The following ADAMTS18 variants were observed in gnomAD, a reference collection of about 807,000 sequenced individuals.
The protein encoded by ADAMTS18 is ADAM metallopeptidase with thrombospondin type 1 motif 18.
In ADAMTS18, 157 loss-of-function variants were observed where a neutral mutation model predicts 165.9. The ratio of observed to expected loss-of-function variants is 0.95; its 90% CI spans 0.83 to 1.08. ADAMTS18 has a LOEUF of 1.08. Among genes scored for constraint, ADAMTS18 ranks in the 50% least tolerant of loss-of-function variants. The pLI is 0.00. For missense variants in ADAMTS18, 2,040 were observed against 1,534.0 expected, an observed-to-expected ratio of 1.33 and a Z score of -5.51; for synonymous variants, 782 against 578.2, an observed-to-expected ratio of 1.35 and a Z score of -5.06.
chr16:77,421,811 T>C (rs2057606621), intron 3 of ADAMTS18, among the ~76,000 whole-genome samples: 2 of 152,202 alleles, frequency 1.3e-5, no homozygotes, highest in African/African-American at 4.8e-5. Flanking sequence ...AAGTGTCATA[T>C]ATCTCCATGT....
rs1452945139 is a variant in ADAMTS18, at chr16:77,431,664, G to C, written c.179-53C>G. 2.5e-6 allele frequency: 4 copies of C among 1,589,418 alleles called. No individual in the cohort carries two copies. The African/African-American group carries it at 4.0e-5, about 16-fold the overall frequency. ...CACCCAGAGCCCACAATTCCAAATG[G>C]TCTCTTTCCAGCAAGCTGGCAAAGA... On this transcript the variant is annotated intron_variant, in intron 2 of 22. Coordinates refer to ENST00000282849, the MANE Select transcript of ADAMTS18 (RefSeq NM_199355.4).
chr16:77,415,808 T>C (rs1013283623), intron 3 of ADAMTS18, among the ~76,000 whole-genome samples: 1 of 151,594 alleles, frequency 6.6e-6, no homozygotes, highest in African/African-American at 2.4e-5. Context: ...TTTTTCCCAA[T>C]GGATGAAAAA....
intron 3 of ADAMTS18, among the ~76,000 whole-genome samples, chr16:77,415,008 G>A (rs1432098131): frequency 2.6e-5 from 4 of 152,204 alleles, no homozygotes; most frequent in Non-Finnish European, 5.9e-5. Flanking sequence ...ACACAGAGAG[G>A]TGAGTAATAA....
chr16:77,286,902 G>A (rs992275185), intron 22 of ADAMTS18, among the ~76,000 whole-genome samples: 1 of 152,120 alleles, frequency 6.6e-6, no homozygotes, highest in African/African-American at 2.4e-5. Flanking sequence ...GCAACCATAA[G>A]GATGGCTTCC....
intron 3 of ADAMTS18, among the ~76,000 whole-genome samples, chr16:77,409,760 A>G (rs1398685966): frequency 2.0e-5 from 3 of 152,186 alleles, no homozygotes; most frequent in Non-Finnish European, 2.9e-5. Flanking sequence ...ACATGGGAGG[A>G]AAAATGCTCC....
intron 3 of ADAMTS18, among the ~76,000 whole-genome samples, chr16:77,393,421 G>A (rs751349273): frequency 6.6e-6 from 1 of 152,156 alleles, no homozygotes; most frequent in African/African-American, 2.4e-5. Flanking sequence ...ACCCTGAGCT[G>A]ACATACAGAC....
intron 8 of ADAMTS18, among the ~76,000 whole-genome samples, chr16:77,357,600 A>G (rs1281201483): frequency 1.3e-5 from 2 of 152,196 alleles, no homozygotes; most frequent in Non-Finnish European, 2.9e-5. Context: ...GATTGAAGCC[A>G]TTACGCTAGA....
rs773523852 is a variant in ADAMTS18, at chr16:77,291,265, C to T, written c.3402+1G>A. The stretch of plus-strand genomic sequence containing the variant: ...CACCTCCTCAATCGGCCTGTACCCA[C>T]CTGCTGCCACGGCAATGAATACCAT... On this transcript the variant is annotated splice_donor_variant, in intron 21 of 22. Transcript: ENST00000282849. LOFTEE classifies it high-confidence loss of function. 11 of 1,613,954 alleles carry T rather than the reference C, an allele frequency of 6.8e-6. No individual in the cohort carries two copies. Among genetic ancestry groups the T allele is most frequent in the Non-Finnish European group, 9.3e-6 (11 of 1,180,018 alleles).
chr16:77,330,862 A>G (rs772050648), intron 12 of ADAMTS18, among the ~76,000 whole-genome samples: 8 of 152,258 alleles, frequency 5.3e-5, no homozygotes, highest in Non-Finnish European at 1.2e-4. Context: ...AAATGGCTAC[A>G]CTGAGTGATG....
At chr16:77,419,454 C>T (rs1409086659) in intron 3 of ADAMTS18, among the ~76,000 whole-genome samples, 2 of 152,168 alleles carry the variant, frequency 1.3e-5, no homozygotes, top group Non-Finnish European at 2.9e-5. Flanking sequence ...CTCCAAAGTC[C>T]ACAATGGAGA....
At chr16:77,357,531 TATAA>T (rs1343053424) in intron 8 of ADAMTS18, among the ~76,000 whole-genome samples, 1 of 152,166 alleles carries the variant, frequency 6.6e-6, no homozygotes, top group East Asian at 1.9e-4. Context: ...GAAAGAAACC[TATAA>T]ATAAAGCACG....
chr16:77,402,936 A>T lies in ADAMTS18; in HGVS notation c.495+28359T>A, dbSNP rs377716857. Among the ~76,000 whole-genome samples, 7 of 152,172 alleles carry T rather than the reference A, an allele frequency of 4.6e-5. No homozygotes were observed. The East Asian group carries it at 1.2e-3, about 25-fold the overall frequency. On this transcript the variant is annotated intron_variant, in intron 3 of 22. Coordinates refer to ENST00000282849, the MANE Select transcript of ADAMTS18 (RefSeq NM_199355.4). ...CTGAAACACAACCTCTCTCAAATAC[A>T]CATGGAGCAACTGCCGGACAGCAAT...
At chr16:77,378,864 G>C (rs535909159) in intron 3 of ADAMTS18, 35 of 152,280 alleles carry the variant, frequency 2.3e-4, no homozygotes, top group African/African-American at 7.7e-4. Flanking sequence ...TTTTCTAACA[G>C]TGTGTTTATA....
chr16:77,400,643 G>T lies in ADAMTS18; in HGVS notation c.495+30652C>A, dbSNP rs555917752. Reference sequence around the variant, plus strand: ...ACTACAGGCGCCCGTCACCGCACCCGGCTAATTTTTTGTATTTTTAGTAGA... The same window carrying T: ...ACTACAGGCGCCCGTCACCGCACCCTGCTAATTTTTTGTATTTTTAGTAGA... On this transcript the variant is annotated intron_variant, in intron 3 of 22. Transcript: ENST00000282849. Among the ~76,000 whole-genome samples the T allele has an allele frequency of 2.0e-5, 3 of 151,822 alleles. No individual in the cohort carries two copies. In the East Asian group the frequency reaches 5.9e-4, roughly 30 times the overall value.
intron 3 of ADAMTS18, among the ~76,000 whole-genome samples, chr16:77,384,856 T>C (rs1037484820): frequency 1.1e-4 from 16 of 152,184 alleles, no homozygotes; most frequent in African/African-American, 3.6e-4. Context: ...ATTTCATATA[T>C]AGTTATCAAA....
At chr16:77,311,526 A>G (rs1044499268) in intron 16 of ADAMTS18, among the ~76,000 whole-genome samples, 1 of 152,110 alleles carries the variant, frequency 6.6e-6, no homozygotes, top group Non-Finnish European at 1.5e-5. Context: ...TTATAATTTT[A>G]TGTTTTTAGA....
At position 77,355,240 on chromosome 16, in the gene ADAMTS18, A is replaced by C. The variant is rs555458603; in HGVS notation, c.1460+700T>G. On this transcript the variant is annotated intron_variant, in intron 9 of 22. Coordinates refer to ENST00000282849, the MANE Select transcript of ADAMTS18 (RefSeq NM_199355.4). The stretch of plus-strand genomic sequence containing the variant: ...TGTGTGTGTGTGTGTGTGTATTTCA[A>C]CTTTGGGTTAATTGTTTAATATGAA... Among the ~76,000 whole-genome samples, 65 of 88,226 alleles carry C rather than the reference A, an allele frequency of 7.4e-4. No individual in the cohort carries two copies. In the South Asian group the frequency reaches 0.022, roughly 30 times the overall value. 57.9% of individuals were successfully genotyped at this position (88,226 alleles called of 152,430 possible).
intron 3 of ADAMTS18, among the ~76,000 whole-genome samples, chr16:77,373,143 G>T (rs564682856): frequency 7.9e-5 from 12 of 152,016 alleles, no homozygotes; most frequent in African/African-American, 2.7e-4. Context: ...CATTGCTGAT[G>T]TCTCAATTTA....
At chr16:77,412,437 G>A (rs972794591) in intron 3 of ADAMTS18, among the ~76,000 whole-genome samples, 4 of 152,100 alleles carry the variant, frequency 2.6e-5, no homozygotes, top group African/African-American at 9.7e-5. Flanking sequence ...CGATCCTCCT[G>A]CCTCAGCCTA....
Sources: allele counts gnomAD v4.1 joint callset (sites outside exome capture counted in the v4.1 genomes callset), GRCh38; gene constraint gnomAD v4.1.1; transcripts MANE v1.5; gene names NCBI Gene and HGNC (gene_info 2026-07-23, HGNC 2026-07-21).